PSMA3: variants seen among roughly 807,000 people sequenced by gnomAD.
PSMA3 encodes the protein proteasome subunit alpha type-3.
Under a neutral mutation model 40.0 loss-of-function variants are expected in PSMA3, and 8 were observed. The ratio of observed to expected loss-of-function variants is 0.20; its 90% CI spans 0.12 to 0.36. The LOEUF (loss-of-function observed/expected upper bound fraction) is 0.36. Among genes scored for constraint, PSMA3 ranks in the 10% least tolerant of loss-of-function variants. The pLI is 1.00. For missense variants in PSMA3, 219 were observed against 310.6 expected, an observed-to-expected ratio of 0.70 and a Z score of 2.22; for synonymous variants, 110 against 100.0, an observed-to-expected ratio of 1.10 and a Z score of -0.59.
rs753374811 is a variant in PSMA3 at position 58,271,902 on chromosome 14, C to T, written c.*7C>T. 1.9e-6 allele frequency: 3 copies of T among 1,564,656 alleles called. No individual in the cohort carries two copies. The highest frequency in any genetic ancestry group is 1.4e-5 in the African/African-American group (1 of 74,012). On this transcript the variant is annotated 3_prime_UTR_variant, in exon 11 of 11. Transcript: ENST00000216455. ...AGATGATGATAATATGTAACATTTA[C>T]TCCAGCATCTATTGTATTTTAAATT...
intron 6 of PSMA3, among the ~76,000 whole-genome samples, chr14:58,262,838 C>T (rs572999582): frequency 1.3e-5 from 2 of 152,170 alleles, no homozygotes; most frequent in Non-Finnish European, 2.9e-5. Context: ...GCTGGGATTA[C>T]AAGCACTTTG....
intron 2 of PSMA3, among the ~76,000 whole-genome samples, chr14:58,249,318 A>T (rs1889949810): frequency 6.6e-6 from 1 of 151,980 alleles, no homozygotes; most frequent in Non-Finnish European, 1.5e-5. Context: ...ACCCAAAGTG[A>T]ACAAATGCTA....
intron 3 of PSMA3, among the ~76,000 whole-genome samples, chr14:58,257,231 C>T (rs763683433): frequency 3.9e-5 from 6 of 151,940 alleles, no homozygotes; most frequent in Admixed American, 6.6e-5. Flanking sequence ...GGCACGGTGG[C>T]TCACGCCTGT....
intron 3 of PSMA3, among the ~76,000 whole-genome samples, chr14:58,256,084 C>A (rs867133277): frequency 6.6e-6 from 1 of 152,090 alleles, no homozygotes; most frequent in African/African-American, 2.4e-5. Flanking sequence ...AAACTCCTGA[C>A]CTCAGGTGAT....
At chr14:58,262,652 T>A (rs1385614419) in intron 6 of PSMA3, among the ~76,000 whole-genome samples, 1 of 151,684 alleles carries the variant, frequency 6.6e-6, no homozygotes, top group Non-Finnish European at 1.5e-5. Context: ...AACCTCTGCC[T>A]CCCGGATTCA....
intron 2 of PSMA3, among the ~76,000 whole-genome samples, chr14:58,248,670 T>A (rs550702694): frequency 6.6e-6 from 1 of 151,934 alleles, no homozygotes; most frequent in Non-Finnish European, 1.5e-5. Context: ...GAAGAAAAAA[T>A]GCAGCCGGGC....
At chr14:58,245,053 G>C in intron 1 of PSMA3, 112 bp downstream of exon 1, 57 of 1,387,456 alleles carry the variant, frequency 4.1e-5, no homozygotes, top group Non-Finnish European at 5.6e-5. Flanking sequence ...ACCGCCTTCG[G>C]CTGGGTGGGC....
Position 58,263,832 on chromosome 14 carries a change from C to T in PSMA3, c.543+62C>T, listed in dbSNP as rs1317341643. Reference sequence around the variant, plus strand: ...TCCTAATGCAGTGAAATTTTATCACCACAGACATTTCAGTCTAAGGCAGGG... The same window carrying T: ...TCCTAATGCAGTGAAATTTTATCACTACAGACATTTCAGTCTAAGGCAGGG... On this transcript the variant is annotated intron_variant, in intron 7 of 10. Coordinates refer to ENST00000216455, the MANE Select transcript of PSMA3 (RefSeq NM_002788.4). 4 of 1,460,182 alleles carry T rather than the reference C, an allele frequency of 2.7e-6. No homozygotes were observed. In the African/African-American group the frequency reaches 4.2e-5, roughly 15 times the overall value. The allele number at this position is 1,460,182 out of a possible 1,614,324, so 90.5% of individuals were successfully genotyped here.
intron 6 of PSMA3, among the ~76,000 whole-genome samples, chr14:58,262,567 T>A (rs1214383992): frequency 2.5e-5 from 1 of 39,284 alleles, no homozygotes; most frequent in Admixed American, 3.2e-4. Flanking sequence ...TTATTACCAT[T>A]TTTTTTTTTT....
intron 8 of PSMA3, chr14:58,267,778 G>A (rs1890491176): frequency 4.5e-6 from 2 of 440,642 alleles, no homozygotes; most frequent in East Asian, 1.7e-4. Flanking sequence ...TATACCATTA[G>A]GGTCTTAATT....
In PSMA3 at chr14:58,247,713, A is replaced by G. The variant is rs184186505; in HGVS notation, c.22-37A>G. The G allele has an allele frequency of 8.5e-6, 12 of 1,404,930 alleles. No individual in the cohort carries two copies. The East Asian group carries it at 2.3e-4, about 27-fold the overall frequency. The allele number at this position is 1,404,930 out of a possible 1,614,324, so 87.0% of individuals were successfully genotyped here. A position where few individuals can be genotyped will look rare whatever the true frequency, so the allele number is the denominator to read the frequency against. ...AAGAAACTGTATGGTCATTACTGCC[A>G]AAGATACAAGCTTACTGTTGCCCTT... On this transcript the variant is annotated intron_variant, in intron 1 of 10. Coordinates refer to ENST00000216455, the MANE Select transcript of PSMA3 (RefSeq NM_002788.4).
intron 5 of PSMA3, 138 bp downstream of exon 5, chr14:58,258,136 T>C (rs779756519): frequency 1.5e-6 from 1 of 665,138 alleles, no homozygotes; most frequent in Non-Finnish European, 2.6e-6. Context: ...AATAAAACAG[T>C]GTACATAGAA....
chr14:58,265,570 G>A (rs1371889992), intron 7 of PSMA3: 1 of 152,164 alleles, frequency 6.6e-6, no homozygotes, highest in Non-Finnish European at 1.5e-5. Flanking sequence ...GAGCCATACA[G>A]CTAATAAACT....
Position 58,251,142 on chromosome 14 carries a change from A to G in PSMA3, c.105-977A>G, listed in dbSNP as rs1292867063. ...GAGAAAGTTGAGATAATTTTACCAG[A>G]AAACTGTACAATCAAGCATTGCTTA... On this transcript the variant is annotated intron_variant, in intron 2 of 10. Transcript: ENST00000216455. Among the ~76,000 whole-genome samples, 2 of 152,230 alleles carry G rather than the reference A, an allele frequency of 1.3e-5. 1 individual carries two copies. The highest frequency in any genetic ancestry group is 2.9e-5 in the Non-Finnish European group (2 of 68,030).
At chr14:58,255,180 G>T (rs886861763) in intron 3 of PSMA3, among the ~76,000 whole-genome samples, 1 of 84,552 alleles carries the variant, frequency 1.2e-5, no homozygotes, top group Non-Finnish European at 2.6e-5. Context: ...TAAAAACTTA[G>T]TAGCCGTTTT....
chr14:58,250,047 C>T (rs1430934878), intron 2 of PSMA3, among the ~76,000 whole-genome samples: 1 of 149,860 alleles, frequency 6.7e-6, no homozygotes, highest in Non-Finnish European at 1.5e-5. Flanking sequence ...GGTGAAATCC[C>T]GTCTCTACTG....
At chr14:58,246,703 GTTTATT>G (rs1450310638) in intron 1 of PSMA3, among the ~76,000 whole-genome samples, 1 of 152,082 alleles carries the variant, frequency 6.6e-6, no homozygotes, top group Non-Finnish European at 1.5e-5. Flanking sequence ...GGCCTAGCAA[GTTTATT>G]TTTATTATTT....
intron 7 of PSMA3, among the ~76,000 whole-genome samples, 153 bp downstream of exon 7, chr14:58,263,923 G>A (rs917564777): frequency 4.6e-5 from 7 of 152,066 alleles, no homozygotes; most frequent in African/African-American, 1.7e-4. Flanking sequence ...TAGCTGATGA[G>A]CTTAAAAAAA....
At chr14:58,266,196 T>A (rs958688122) in intron 7 of PSMA3, 1 of 152,336 alleles carries the variant, frequency 6.6e-6, no homozygotes, top group South Asian at 2.1e-4. Flanking sequence ...TACTCTTAAA[T>A]TTAAATTTAG....
Sources: gnomAD v4.1 joint callset for allele counts (sites outside exome capture counted in the v4.1 genomes callset) on GRCh38, gnomAD v4.1.1 for gene constraint, MANE v1.5 for transcripts, NCBI Gene and HGNC (gene_info 2026-07-23, HGNC 2026-07-21) for gene names.